Variants in TSG101 observed in about 807,000 individuals in gnomAD.
TSG101 encodes tumor susceptibility 101, also known as tumor susceptibility gene 101 protein.
TSG101 carries 19 observed loss-of-function variants against 48.5 expected under a neutral mutation model. The observed-to-expected ratio is 0.39, with a 90% confidence interval of 0.27 to 0.58. The LOEUF is 0.58. TSG101 is among the 20% of genes least tolerant of loss of function. The pLI is 0.55. For missense variants in TSG101, 365 were observed against 484.4 expected (o/e 0.75, Z 2.31); for synonymous variants, 174 against 169.4 (o/e 1.03, Z -0.21).
chr11:18,522,722 A>G (rs770999761), intron 1 of TSG101, among the ~76,000 whole-genome samples: 2 of 152,130 alleles, frequency 1.3e-5, no homozygotes, highest in African/African-American at 4.8e-5. Context: ...CAAACCTCCC[A>G]TACCATTGAT....
At chr11:18,495,934 A>C (rs544151902) in intron 7 of TSG101, among the ~76,000 whole-genome samples, 2 of 151,182 alleles carry the variant, frequency 1.3e-5, no homozygotes, top group African/African-American at 4.9e-5. Flanking sequence ...AAAAAAAAAA[A>C]AAAAGTACTC....
intron 1 of TSG101, among the ~76,000 whole-genome samples, chr11:18,523,003 T>A (rs949051388): frequency 1.3e-5 from 2 of 152,048 alleles, no homozygotes; most frequent in African/African-American, 4.8e-5. Context: ...GATCCTCCCA[T>A]CTCAGCCTCC....
chr11:18,481,864 C>T lies in TSG101; in HGVS notation c.849G>A (p.Glu283=), dbSNP rs778361050. ...MVTRLDQEVA[E]VDKNIELLKK... ...TCAAAAGTTCTATGTTTTTATCAAC[C>T]TCGGCCTGAAAACAGAACAGTCCAA... Residue 283 remains glutamate (E), a synonymous_variant, in exon 9 of 10, where the codon GAG becomes GAA. Coordinates refer to ENST00000251968, the MANE Select transcript of TSG101 (RefSeq NM_006292.4). 53 of 1,612,522 alleles carry T rather than the reference C, an allele frequency of 3.3e-5. No individual in the cohort carries two copies. The highest frequency in any genetic ancestry group is 2.8e-5 in the Non-Finnish European group (33 of 1,179,996).
At chr11:18,503,506 G>C (rs1362490621) in intron 6 of TSG101, among the ~76,000 whole-genome samples, 1 of 151,682 alleles carries the variant, frequency 6.6e-6, no homozygotes, top group Non-Finnish European at 1.5e-5. Context: ...CTGAGTAGCT[G>C]GGACTATAGG....
At chr11:18,494,745 G>A (rs543949659) in intron 7 of TSG101, among the ~76,000 whole-genome samples, 26 of 152,194 alleles carry the variant, frequency 1.7e-4, no homozygotes, top group African/African-American at 5.3e-4. Flanking sequence ...ACAAGCAAGC[G>A]TGCACTAGTA....
At chr11:18,480,697 T>C (rs991779559) in intron 9 of TSG101, 62 bp from the exon 10 acceptor site, 52 of 1,490,488 alleles carry the variant, frequency 3.5e-5, no homozygotes, top group Non-Finnish European at 4.6e-5. Flanking sequence ...AGGCATAAAA[T>C]AGACAATTTG....
At chr11:18,480,925 GTC>G (rs1166714292) in intron 9 of TSG101, among the ~76,000 whole-genome samples, 1 of 152,092 alleles carries the variant, frequency 6.6e-6, no homozygotes, top group Non-Finnish European at 1.5e-5. Flanking sequence ...CCTCTCTTGG[GTC>G]TCTGGTTTAT....
intron 7 of TSG101, 109 bp from the exon 8 acceptor site, chr11:18,484,181 T>C: frequency 2.8e-6 from 3 of 1,080,352 alleles, no homozygotes; most frequent in Non-Finnish European, 4.0e-6. Flanking sequence ...TTTCAAAATG[T>C]GAGGAAAGAA....
chr11:18,506,044 T>TGACCTCAG (rs995189951), intron 6 of TSG101, among the ~76,000 whole-genome samples: 16 of 152,266 alleles, frequency 1.1e-4, no homozygotes, highest in African/African-American at 3.8e-4. Flanking sequence ...CTCGAACTCC[T>TGACCTCAG]GACCTCAGGA....
chr11:18,518,616 C>T (rs1321869051), intron 2 of TSG101, among the ~76,000 whole-genome samples: 2 of 152,192 alleles, frequency 1.3e-5, no homozygotes, highest in Non-Finnish European at 2.9e-5. Context: ...TTAAAGACCA[C>T]ATTAAATAAC....
At chr11:18,508,987 GATAAT>G (rs1454125343) in intron 5 of TSG101, among the ~76,000 whole-genome samples, 1 of 152,118 alleles carries the variant, frequency 6.6e-6, no homozygotes, top group Non-Finnish European at 1.5e-5. Context: ...AGATAACAGA[GATAAT>G]ATATTCCAAT....
At chr11:18,485,224 C>G (rs956338486) in intron 7 of TSG101, among the ~76,000 whole-genome samples, 2 of 152,174 alleles carry the variant, frequency 1.3e-5, no homozygotes, top group African/African-American at 4.8e-5. Context: ...TCTCGAACAT[C>G]AGATCCCATC....
intron 3 of TSG101, 66 bp from the exon 4 acceptor site, chr11:18,514,907 G>C: frequency 1.4e-6 from 2 of 1,399,478 alleles, no homozygotes; most frequent in Non-Finnish European, 1.9e-6. Flanking sequence ...AATGGTTAAA[G>C]GAACAGAGGT....
intron 1 of TSG101, 108 bp downstream of exon 1, chr11:18,526,667 G>T: frequency 7.3e-7 from 1 of 1,370,232 alleles, no homozygotes; most frequent in Non-Finnish European, 9.9e-7. Flanking sequence ...CTGCACCGGG[G>T]CTTCCGGCCC....
At chr11:18,498,574 GA>G (rs1849820953) in intron 7 of TSG101, among the ~76,000 whole-genome samples, 1 of 152,142 alleles carries the variant, frequency 6.6e-6, no homozygotes, top group African/African-American at 2.4e-5. Context: ...CAGGTGTTAG[GA>G]AGATTGAGAA....
chr11:18,502,664 G>T, intron 6 of TSG101, 87 bp from the exon 7 acceptor site: 1 of 957,382 alleles, frequency 1.0e-6, no homozygotes, highest in Non-Finnish European at 1.6e-6. Context: ...AGTTAAGCTT[G>T]ACATATGGTT....
intron 6 of TSG101, among the ~76,000 whole-genome samples, 167 bp from the exon 7 acceptor site, chr11:18,502,744 T>C (rs1849909561): frequency 6.6e-6 from 1 of 152,250 alleles, no homozygotes; most frequent in African/African-American, 2.4e-5. Flanking sequence ...CTATGGAAAT[T>C]GTATTAATGA....
intron 7 of TSG101, among the ~76,000 whole-genome samples, chr11:18,501,727 A>G (rs982061814): frequency 7.9e-5 from 12 of 152,194 alleles, no homozygotes; most frequent in Admixed American, 6.5e-4. Flanking sequence ...TACAATATTA[A>G]TTCTTCATGG....
intron 1 of TSG101, among the ~76,000 whole-genome samples, chr11:18,522,304 AC>A (rs1286523177): frequency 6.6e-6 from 1 of 152,188 alleles, no homozygotes; most frequent in Admixed American, 6.5e-5. Flanking sequence ...ATTGAACATG[AC>A]CAAAACTGAA....
Sources: gnomAD v4.1 joint callset for allele counts (sites outside exome capture counted in the v4.1 genomes callset) on GRCh38, gnomAD v4.1.1 for gene constraint, MANE v1.5 for transcripts, NCBI Gene and HGNC (gene_info 2026-07-23, HGNC 2026-07-21) for gene names.